MPRIP: variants seen among roughly 807,000 people sequenced by gnomAD.
MPRIP encodes myosin phosphatase Rho interacting protein.
Under a neutral mutation model 234.9 loss-of-function variants are expected in MPRIP, and 59 were observed. That is an observed-to-expected ratio of 0.25 (90% confidence interval 0.20 to 0.31). The LOEUF is 0.31. Ranked by LOEUF, MPRIP falls within the 10% of genes least tolerant of loss-of-function variation. The pLI is 1.00. For synonymous variants in MPRIP, 1,144 were observed against 1,263.9 expected, an observed-to-expected ratio of 0.91 and a Z score of 2.01; for missense variants, 2,436 against 3,071.0, an observed-to-expected ratio of 0.79 and a Z score of 4.89.
rs1262025049 is a variant in MPRIP, at chr17:17,166,014, G to A, written c.4423G>A (p.Ala1475Thr). ...LGDFQVKNSQ[A>T]LMCLENCREQ... ...GGACTTCCAGGTCAAGAATAGTCAG[G>A]CCCTGATGTGCCTGGAAAATTGCCG... The change falls in exon 16 of 24, where the codon GCC (alanine) becomes ACC (threonine). Residue 1475 changes from alanine to threonine, a missense_variant. Around this residue, in one of 4 missense-constraint regions of MPRIP, gnomAD observed 1,998 missense variants for 2,520.3 expected, o/e 0.79. Transcript: ENST00000651222. The surrounding 1 kb of genome is among the most constrained non-coding windows in gnomAD (Gnocchi z 4.4). 7.7e-7 allele frequency: 1 copy of A among 1,304,190 alleles called. No individual in the cohort carries two copies. Among genetic ancestry groups the A allele is most frequent in the South Asian group, 1.2e-5 (1 of 80,984 alleles). The allele number at this position is 1,304,190 out of a possible 1,614,324, so 80.8% of individuals were successfully genotyped here.
chr17:17,133,384 A>G (rs2090634534), intron 5 of MPRIP, among the ~76,000 whole-genome samples: 1 of 152,194 alleles, frequency 6.6e-6, no homozygotes. Context: ...ACGTGGGGGC[A>G]CTGCAGAGGA....
rs3833096 is a variant in MPRIP at position 17,185,573 on chromosome 17, CTCCTTCCT to C, written c.*696_*703del. 2.5e-4 allele frequency: 114 copies of C among 455,382 alleles called. No individual in the cohort carries two copies. The highest frequency in any genetic ancestry group is 8.7e-4 in the South Asian group (56 of 64,268). 28.2% of individuals were successfully genotyped at this position (455,382 alleles called of 1,614,324 possible). On this transcript the variant is annotated 3_prime_UTR_variant, in exon 24 of 24. Transcript: ENST00000651222. Reference sequence around the variant, plus strand: ...ATCTTGCACAAAATCCCCGGCCCCTCTCCTTCCTTCCTTCCTTCCTTCCTCCGCTCGTT... The same window carrying C: ...ATCTTGCACAAAATCCCCGGCCCCTCTCCTTCCTTCCTTCCTCCGCTCGTT...
rs74805854 is a variant in MPRIP at position 17,043,979 on chromosome 17, C to A, written c.123+1008C>A. 3.9e-5 allele frequency among the ~76,000 whole-genome samples: 6 copies of A among 152,288 alleles called. No individual in the cohort carries two copies. In the East Asian group the frequency reaches 1.2e-3, roughly 29 times the overall value. On this transcript the variant is annotated intron_variant, in intron 1 of 23. Coordinates refer to ENST00000651222, the MANE Select transcript of MPRIP (RefSeq NM_001364716.4). ...TAGCCACTCCTGTCGCAGAAGAACC[C>A]CTTAGACTGAAAACGAGTGAACGGG...
At chr17:17,114,260 A>G (rs974461741) in intron 3 of MPRIP, among the ~76,000 whole-genome samples, 14 of 151,996 alleles carry the variant, frequency 9.2e-5, no homozygotes, top group African/African-American at 3.4e-4. Context: ...TCCTTTGTCT[A>G]TTTTTAATTG....
intron 18 of MPRIP, 151 bp downstream of exon 18, chr17:17,172,966 G>T: frequency 4.7e-6 from 3 of 642,020 alleles, no homozygotes; most frequent in Non-Finnish European, 8.2e-6. Flanking sequence ...ATGCCCTCTT[G>T]TCCAGTGCAG....
At chr17:17,184,291 G>A (rs1441707195) in intron 23 of MPRIP, among the ~76,000 whole-genome samples, 3 of 152,216 alleles carry the variant, frequency 2.0e-5, no homozygotes, top group Non-Finnish European at 4.4e-5. Context: ...GGCCTCTGAT[G>A]AGGGAATGCC....
At position 17,166,916 on chromosome 17, in the gene MPRIP, T is replaced by G. The variant is rs1315201902; in HGVS notation, c.5325T>G (p.Phe1775Leu). 1.7e-5 allele frequency: 22 copies of G among 1,304,172 alleles called. No individual in the cohort carries two copies. The highest frequency in any genetic ancestry group is 2.2e-5 in the Non-Finnish European group (22 of 988,946). 80.8% of individuals were successfully genotyped at this position (1,304,172 alleles called of 1,614,324 possible). ...FDVSDQSPGA[F>L]VAIQEELAQQ... is the part of the protein sequence containing the mutation. Reference sequence around the variant, plus strand: ...TGTCTGACCAGAGCCCTGGGGCCTTTGTTGCTATTCAGGAGGAGCTTGCCC... The same window carrying G: ...TGTCTGACCAGAGCCCTGGGGCCTTGGTTGCTATTCAGGAGGAGCTTGCCC... The change falls in exon 16 of 24, where the codon TTT becomes TTG. Residue 1775 changes from phenylalanine (F) to leucine (L), a missense_variant. Physicochemically the swap from Phe to Leu is conservative, Grantham distance 22. Transcript: ENST00000651222. The surrounding 1 kb of genome is among the most constrained non-coding windows in gnomAD (Gnocchi z 4.4).
In MPRIP at chr17:17,138,107, C is replaced by A; in HGVS notation, c.928C>A (p.Leu310Ile). ...TTGCCCCGAGTCGCCCTCCCAGGAG[C>A]TCGGTGGTCCTCTTCCTTCCCCAGG... The part of the protein sequence containing the change: ...YSCPESPSQE[L>I]GGPLPSPGPR... The change falls in exon 7 of 24, where the codon CTC (leucine) becomes ATC (isoleucine). Residue 310 changes from leucine to isoleucine, a missense_variant. Physicochemically the swap from Leu to Ile is conservative, Grantham distance 5. Transcript: ENST00000651222. The surrounding 1 kb of genome is among the most constrained non-coding windows in gnomAD (Gnocchi z 5.8). The A allele has an allele frequency of 6.5e-7, 1 of 1,544,178 alleles. No individual in the cohort carries two copies. Among genetic ancestry groups the A allele is most frequent in the South Asian group, 1.2e-5 (1 of 81,280 alleles).
intron 3 of MPRIP, among the ~76,000 whole-genome samples, chr17:17,087,881 C>T (rs1348631820): frequency 6.6e-6 from 1 of 152,232 alleles, no homozygotes; most frequent in Non-Finnish European, 1.5e-5. Flanking sequence ...CTCAGGTGCC[C>T]AGTGAGTGCC....
chr17:17,108,263 T>A (rs2090101849), intron 3 of MPRIP, among the ~76,000 whole-genome samples: 1 of 152,228 alleles, frequency 6.6e-6, no homozygotes, highest in African/African-American at 2.4e-5. Flanking sequence ...CTCCACACTC[T>A]TCTGTCTTTC....
chr17:17,071,253 G>C (rs2089186665), intron 1 of MPRIP, among the ~76,000 whole-genome samples: 1 of 152,196 alleles, frequency 6.6e-6, no homozygotes, highest in Admixed American at 6.5e-5. Context: ...TCTTGTCTAA[G>C]AGTTTTCTGT....
intron 3 of MPRIP, among the ~76,000 whole-genome samples, chr17:17,092,294 G>T (rs749083397): frequency 6.6e-6 from 1 of 152,246 alleles, no homozygotes; most frequent in Non-Finnish European, 1.5e-5. Flanking sequence ...TGTTATAGTC[G>T]TGTTAAATGT....
chr17:17,180,677 G>A (rs1567782396), intron 23 of MPRIP: 10 of 1,611,564 alleles, frequency 6.2e-6, no homozygotes, highest in East Asian at 2.2e-5. Flanking sequence ...GAGGTAAACC[G>A]CCTCTCCCAC....
rs2090756979 is a variant in MPRIP, at chr17:17,138,817, G to GAGGC, written c.1250+389_1250+392dup. Among the ~76,000 whole-genome samples the GAGGC allele has an allele frequency of 6.6e-6, 1 of 152,156 alleles. No homozygotes were observed. The highest frequency in any genetic ancestry group is 6.5e-5 in the Admixed American group (1 of 15,286). On this transcript the variant is annotated intron_variant, in intron 7 of 23. Transcript: ENST00000651222. The surrounding 1 kb of genome is among the most constrained non-coding windows in gnomAD (Gnocchi z 5.8). ...GTCCCTAGAGCTACATGTGGTGACA[G>GAGGC]AGGCGCTCCTCACCCTGGCAGTCCC...
At chr17:17,139,079 C>T (rs753908412) in intron 7 of MPRIP, among the ~76,000 whole-genome samples, 7 of 152,234 alleles carry the variant, frequency 4.6e-5, no homozygotes, top group African/African-American at 1.2e-4. Context: ...TTTGGACATC[C>T]GGGCCTAGGG....
intron 7 of MPRIP, among the ~76,000 whole-genome samples, chr17:17,141,008 G>A (rs1373016190): frequency 6.6e-6 from 1 of 152,130 alleles, no homozygotes; most frequent in Non-Finnish European, 1.5e-5. Flanking sequence ...CAGCCAGTGT[G>A]CGAGCCTGTG....
Position 17,158,873 on chromosome 17 carries a change from G to A in MPRIP, c.2271G>A (p.Arg757=). The change falls in exon 14 of 24, where the codon CGG becomes CGA. Residue 757 remains arginine, a synonymous_variant. Transcript: ENST00000651222. ...THNVHVEIEQ[R]WHQVETTPLR... ...ACGTCCACGTGGAGATTGAGCAGCG[G>A]TGGCATCAGGTGGAGACCACACCTC... The A allele has an allele frequency of 6.2e-7, 1 of 1,612,012 alleles. No individual in the cohort carries two copies. Among genetic ancestry groups the A allele is most frequent in the Non-Finnish European group, 8.5e-7 (1 of 1,180,030 alleles).
At chr17:17,117,441 C>T (rs1484010808) in intron 3 of MPRIP, among the ~76,000 whole-genome samples, 1 of 152,254 alleles carries the variant, frequency 6.6e-6, no homozygotes, top group Non-Finnish European at 1.5e-5. Context: ...GAACATTTCA[C>T]CAAGATGGAG....
intron 1 of MPRIP, among the ~76,000 whole-genome samples, chr17:17,051,099 G>A (rs2088526535): frequency 6.6e-6 from 1 of 152,224 alleles, no homozygotes; most frequent in South Asian, 2.1e-4. Context: ...GCAGAGTAGT[G>A]TGCTGATGGA....
Sources: allele counts gnomAD v4.1 joint callset (sites outside exome capture counted in the v4.1 genomes callset), GRCh38; gene constraint gnomAD v4.1.1; regional missense constraint gnomAD v4.1.1; non-coding constraint Gnocchi (gnomAD v3.1); transcripts MANE v1.5; gene names NCBI Gene and HGNC (gene_info 2026-07-23, HGNC 2026-07-21).